Variants in SNX4 observed in about 807,000 individuals in gnomAD.
SNX4 encodes sorting nexin-4.
SNX4 carries 49 observed loss-of-function variants against 70.8 expected under a neutral mutation model. The observed-to-expected ratio is 0.69, with a 90% CI of 0.55 to 0.88. The LOEUF (loss-of-function observed/expected upper bound fraction) is 0.88. Ranked by LOEUF, SNX4 falls within the 40% of genes least tolerant of loss-of-function variation. SNX4 has a pLI of 0.00. For synonymous variants in SNX4, 206 were observed against 183.8 expected (o/e 1.12, Z -0.98); for missense variants, 528 against 544.8 (o/e 0.97, Z 0.31).
chr3:125,519,633 GC>G (rs1324429731), intron 1 of SNX4, among the ~76,000 whole-genome samples: 1 of 151,926 alleles, frequency 6.6e-6, no homozygotes, highest in African/African-American at 2.4e-5. Context: ...AAACCCCTTA[GC>G]AACTGGCTGA....
intron 6 of SNX4, among the ~76,000 whole-genome samples, chr3:125,488,077 G>T (rs1460303465): frequency 6.7e-6 from 1 of 149,920 alleles, no homozygotes; most frequent in African/African-American, 2.5e-5. Context: ...GGGGAGGGGT[G>T]TGGAGAGAAG....
chr3:125,476,520 G>A (rs1012120715), intron 8 of SNX4, among the ~76,000 whole-genome samples, 175 bp downstream of exon 8: 4 of 152,062 alleles, frequency 2.6e-5, no homozygotes, highest in African/African-American at 7.2e-5. Context: ...GCAGTGAGCC[G>A]AGATCACATC....
chr3:125,506,436 A>G (rs1471270534), intron 1 of SNX4, among the ~76,000 whole-genome samples: 1 of 150,504 alleles, frequency 6.6e-6, no homozygotes, highest in Non-Finnish European at 1.5e-5. Flanking sequence ...AGGCTCCTGG[A>G]TTCAAGCGAT....
intron 1 of SNX4, among the ~76,000 whole-genome samples, chr3:125,509,633 A>G (rs1396521300): frequency 6.6e-6 from 1 of 151,482 alleles, no homozygotes; most frequent in Non-Finnish European, 1.5e-5. Context: ...AGTTGCCTAT[A>G]TTCCAGCTAC....
intron 2 of SNX4, among the ~76,000 whole-genome samples, 170 bp downstream of exon 2, chr3:125,504,453 C>T (rs1196578853): frequency 6.6e-6 from 1 of 151,784 alleles, no homozygotes; most frequent in Non-Finnish European, 1.5e-5. Context: ...CACTGCACTC[C>T]AGCCCAGGCA....
At position 125,520,124 on chromosome 3, in the gene SNX4, A is replaced by G. The variant is rs778159118; in HGVS notation, c.49T>C (p.Leu17=). The G allele has an allele frequency of 1.8e-5, 26 of 1,441,422 alleles. No homozygotes were observed. Among genetic ancestry groups the G allele is most frequent in the Admixed American group, 1.7e-4 (6 of 35,552 alleles). 89.3% of individuals were successfully genotyped at this position (1,441,422 alleles called of 1,614,324 possible). ...GCGTCTGGGGAGCCCAGCGGCTCCA[A>G]GGGCGCCGGCTGGAGCTGCCGCTCG... ...DPERQLQPAP[L]EPLGSPDAGL... is the part of the protein sequence containing the mutation. Residue 17 remains leucine, a synonymous_variant, in exon 1 of 14, where the codon TTG becomes CTG. Coordinates refer to ENST00000251775, the MANE Select transcript of SNX4 (RefSeq NM_003794.4).
chr3:125,452,393 G>A (rs1381790748), intron 12 of SNX4, among the ~76,000 whole-genome samples: 1 of 152,150 alleles, frequency 6.6e-6, no homozygotes, highest in Non-Finnish European at 1.5e-5. Flanking sequence ...ACCACGGCCA[G>A]CTGCATGTAC....
At chr3:125,517,553 T>G (rs1935308609) in intron 1 of SNX4, among the ~76,000 whole-genome samples, 1 of 152,186 alleles carries the variant, frequency 6.6e-6, no homozygotes, top group South Asian at 2.1e-4. Context: ...ATTTTCTCTT[T>G]GAGGGGAGAG....
intron 6 of SNX4, among the ~76,000 whole-genome samples, chr3:125,486,781 A>G (rs78654194): frequency 1.5e-3 from 225 of 152,310 alleles, no homozygotes; most frequent in African/African-American, 4.7e-3. Context: ...AGCCAGGCAC[A>G]GTGGCATCCA....
intron 5 of SNX4, among the ~76,000 whole-genome samples, chr3:125,494,528 T>C (rs897351184): frequency 5.9e-5 from 9 of 152,380 alleles, no homozygotes; most frequent in African/African-American, 2.2e-4. Flanking sequence ...AATACTCAGA[T>C]AAGAAACTGT....
intron 8 of SNX4, among the ~76,000 whole-genome samples, chr3:125,472,537 T>C (rs770973867): frequency 4.6e-5 from 7 of 152,144 alleles, no homozygotes; most frequent in Non-Finnish European, 7.4e-5. Flanking sequence ...CTTTTAAAAA[T>C]AAATATTAAA....
intron 9 of SNX4, among the ~76,000 whole-genome samples, chr3:125,466,109 A>G (rs1179647806): frequency 6.6e-6 from 1 of 151,490 alleles, no homozygotes; most frequent in East Asian, 1.9e-4. Flanking sequence ...TTAAATTAAT[A>G]CCTAAGTTTT....
chr3:125,485,844 G>T (rs564112632), intron 6 of SNX4, among the ~76,000 whole-genome samples: 6 of 151,948 alleles, frequency 3.9e-5, no homozygotes, highest in Admixed American at 1.3e-4. Context: ...CTATCTGTAA[G>T]CATTCTGTTT....
chr3:125,484,203 C>T (rs894753521), intron 6 of SNX4, among the ~76,000 whole-genome samples: 14 of 152,206 alleles, frequency 9.2e-5, no homozygotes, highest in African/African-American at 3.4e-4. Flanking sequence ...GCCATATTTT[C>T]TATTCTCCTC....
intron 9 of SNX4, among the ~76,000 whole-genome samples, chr3:125,467,115 G>A (rs116316971): frequency 0.021 from 3,074 of 146,766 alleles, 106 homozygotes; most frequent in African/African-American, 0.073. Flanking sequence ...GGCCAGGTGC[G>A]GTGGCTTACC....
At chr3:125,472,096 GT>G (rs1934189688) in intron 8 of SNX4, among the ~76,000 whole-genome samples, 1 of 151,892 alleles carries the variant, frequency 6.6e-6, no homozygotes, top group Admixed American at 6.6e-5. Flanking sequence ...TCCTTTTCTA[GT>G]CACAGCTCAG....
chr3:125,464,533 A>C (rs2107532907), intron 9 of SNX4, among the ~76,000 whole-genome samples: 1 of 147,976 alleles, frequency 6.8e-6, no homozygotes, highest in East Asian at 2.0e-4. Context: ...ATTTCTGTAC[A>C]GAATTCTGTT....
intron 12 of SNX4, 59 bp downstream of exon 12, chr3:125,453,751 A>G: frequency 7.0e-7 from 1 of 1,436,466 alleles, no homozygotes; most frequent in Admixed American, 2.3e-5. Flanking sequence ...ATAAATAAAT[A>G]AAATAATCTA....
rs1040170873 is a variant in SNX4, at chr3:125,493,968, C to T, written c.597+3373G>A. On this transcript the variant is annotated intron_variant, in intron 5 of 13. Transcript: ENST00000251775. ...AGGAGAATGGCGTGAACCCGGAAGG[C>T]GGAGCTTGTAGTGAGCAGAGATTGC... Among the ~76,000 whole-genome samples the T allele has an allele frequency of 4.3e-4, 64 of 150,228 alleles. 1 individual carries two copies. Among genetic ancestry groups the T allele is most frequent in the Non-Finnish European group, 6.8e-4 (46 of 67,720 alleles).
Sources: allele counts gnomAD v4.1 joint callset (sites outside exome capture counted in the v4.1 genomes callset), GRCh38; gene constraint gnomAD v4.1.1; transcripts MANE v1.5; gene names NCBI Gene and HGNC (gene_info 2026-07-23, HGNC 2026-07-21).